The following GRID2 variants were observed in gnomAD, a reference collection of about 807,000 sequenced individuals.
The protein encoded by GRID2 is glutamate ionotropic receptor delta type subunit 2, also known as glutamate receptor ionotropic, delta-2.
A neutral mutation model predicts 114.8 loss-of-function variants in GRID2; 33 were observed. The observed-to-expected ratio is 0.29, with a 90% CI of 0.22 to 0.38. The LOEUF (loss-of-function observed/expected upper bound fraction) is 0.38. Among genes scored for constraint, GRID2 ranks in the 10% least tolerant of loss-of-function variants. GRID2 has a pLI of 1.00. For synonymous variants in GRID2, 505 were observed against 449.9 expected (o/e 1.12, Z -1.55); for missense variants, 1,184 against 1,257.7 (o/e 0.94, Z 0.89).
At chr4:92,370,268 T>G (rs1449790765) in intron 1 of GRID2, among the ~76,000 whole-genome samples, 1 of 152,192 alleles carries the variant, frequency 6.6e-6, no homozygotes, top group African/African-American at 2.4e-5. Flanking sequence ...ATAAATGTTG[T>G]GAGTATTCTG....
chr4:92,987,273 T>C (rs781651239), intron 2 of GRID2, among the ~76,000 whole-genome samples: 3 of 152,104 alleles, frequency 2.0e-5, no homozygotes, highest in Non-Finnish European at 2.9e-5. Flanking sequence ...TTCCTCACCA[T>C]TAAAGAAGGT....
chr4:93,118,404 T>C (rs1314317337), intron 4 of GRID2, among the ~76,000 whole-genome samples: 3 of 152,190 alleles, frequency 2.0e-5, no homozygotes, highest in African/African-American at 7.2e-5. Flanking sequence ...ATAAGGGACG[T>C]TTAAGACCAG....
chr4:92,990,301 ATAT>A (rs1754801266), intron 2 of GRID2, among the ~76,000 whole-genome samples: 1 of 138,232 alleles, frequency 7.2e-6, no homozygotes, highest in Non-Finnish European at 1.5e-5. Context: ...ATATATATAT[ATAT>A]ATGTGTGTGT....
chr4:92,441,737 A>T (rs1192954698), intron 1 of GRID2, among the ~76,000 whole-genome samples: 2 of 152,020 alleles, frequency 1.3e-5, no homozygotes, highest in African/African-American at 2.4e-5. Flanking sequence ...AAGGGTGATT[A>T]GGTTTTAATG....
intron 1 of GRID2, among the ~76,000 whole-genome samples, chr4:92,417,596 G>A (rs77910979): frequency 0.013 from 2,012 of 152,268 alleles, 21 homozygotes; most frequent in Non-Finnish European, 0.02. Flanking sequence ...TATGTACTAA[G>A]CACTATATAT....
At chr4:93,379,162 A>C (rs1763633956) in intron 8 of GRID2, among the ~76,000 whole-genome samples, 1 of 152,018 alleles carries the variant, frequency 6.6e-6, no homozygotes, top group Admixed American at 6.6e-5. Context: ...TTTATTATAA[A>C]CCAAATATGA....
chr4:92,442,706 G>C (rs966333411), intron 1 of GRID2, among the ~76,000 whole-genome samples: 26 of 152,210 alleles, frequency 1.7e-4, no homozygotes, highest in African/African-American at 6.3e-4. Flanking sequence ...ACCTTTTAGG[G>C]TCTAGGGCTG....
chr4:92,512,607 A>G (rs1462432500), intron 1 of GRID2, among the ~76,000 whole-genome samples: 1 of 151,876 alleles, frequency 6.6e-6, no homozygotes, highest in African/African-American at 2.4e-5. Context: ...GGTCCTAGGT[A>G]GGTAGAGGTA....
chr4:92,937,227 C>G (rs1228881784), intron 2 of GRID2, among the ~76,000 whole-genome samples: 2 of 146,580 alleles, frequency 1.4e-5, no homozygotes, highest in Non-Finnish European at 3.0e-5. Context: ...TCTTTCATTG[C>G]TCATACTTTC....
chr4:93,017,295 T>G (rs1345040909), intron 2 of GRID2, among the ~76,000 whole-genome samples: 1 of 152,142 alleles, frequency 6.6e-6, no homozygotes, highest in Non-Finnish European at 1.5e-5. Context: ...TAAAATACAG[T>G]TTTAGATTCT....
chr4:93,737,858 G>A (rs1175732401), intron 14 of GRID2, among the ~76,000 whole-genome samples: 1 of 152,076 alleles, frequency 6.6e-6, no homozygotes, highest in Non-Finnish European at 1.5e-5. Flanking sequence ...CCAAAGCAAA[G>A]AAACTTAACA....
intron 2 of GRID2, among the ~76,000 whole-genome samples, chr4:92,754,996 C>T (rs946910815): frequency 1.3e-5 from 2 of 152,090 alleles, no homozygotes; most frequent in African/African-American, 2.4e-5. Flanking sequence ...CTTTACATGA[C>T]CTGGTGTGTG....
intron 2 of GRID2, among the ~76,000 whole-genome samples, chr4:92,979,172 C>T (rs1296521491): frequency 6.6e-6 from 1 of 151,824 alleles, no homozygotes; most frequent in Non-Finnish European, 1.5e-5. Context: ...GATTTGAAGG[C>T]ATTACTAACA....
intron 2 of GRID2, among the ~76,000 whole-genome samples, chr4:92,687,901 C>T (rs1418576797): frequency 6.6e-6 from 1 of 151,814 alleles, no homozygotes; most frequent in Non-Finnish European, 1.5e-5. Flanking sequence ...AATCTTTTTG[C>T]TGATGGAGGG....
intron 2 of GRID2, among the ~76,000 whole-genome samples, chr4:92,959,935 C>T (rs1398038206): frequency 6.6e-6 from 1 of 151,592 alleles, no homozygotes; most frequent in East Asian, 1.9e-4. Flanking sequence ...ATCAAACCAC[C>T]ATGGCACATG....
intron 2 of GRID2, among the ~76,000 whole-genome samples, chr4:92,723,001 G>A (rs114226624): frequency 0.01 from 1,550 of 151,986 alleles, 24 homozygotes; most frequent in African/African-American, 0.036. Context: ...TGTTGCCCCA[G>A]TGAGAAAGAC....
chr4:93,521,173 T>C (rs115650660), intron 13 of GRID2, among the ~76,000 whole-genome samples: 2,188 of 152,172 alleles, frequency 0.014, 37 homozygotes, highest in Middle Eastern at 0.024. Flanking sequence ...TTTATTGAGA[T>C]TGAGAAAACC....
At chr4:93,695,141 A>G (rs1234199261) in intron 14 of GRID2, among the ~76,000 whole-genome samples, 3 of 150,290 alleles carry the variant, frequency 2.0e-5, no homozygotes, top group Non-Finnish European at 4.4e-5. Flanking sequence ...ACTGCACTCC[A>G]GCCTGGGCAA....
intron 3 of GRID2, among the ~76,000 whole-genome samples, chr4:93,085,907 A>G (rs1730294066): frequency 6.6e-6 from 1 of 152,204 alleles, no homozygotes. Flanking sequence ...CCCTAAATTT[A>G]TCATAATTTG....
Sources: allele counts gnomAD v4.1 joint callset (sites outside exome capture counted in the v4.1 genomes callset), GRCh38; gene constraint gnomAD v4.1.1; transcripts MANE v1.5; gene names NCBI Gene and HGNC (gene_info 2026-07-23, HGNC 2026-07-21).